Variants in PPP3CA observed in about 807,000 individuals in gnomAD.
PPP3CA encodes the protein protein phosphatase 3 catalytic subunit alpha, also known as CAM-PRP catalytic subunit.
Under a neutral mutation model 66.5 loss-of-function variants are expected in PPP3CA, and 14 were observed. The observed-to-expected ratio is 0.21, with a 90% CI of 0.14 to 0.33. The LOEUF is 0.33. Among genes scored for constraint, PPP3CA ranks in the 10% least tolerant of loss-of-function variants. The pLI, the probability that PPP3CA is intolerant of heterozygous loss-of-function variation, is 1.00. For missense variants in PPP3CA, 317 were observed against 639.5 expected, an observed-to-expected ratio of 0.50 and a Z score of 5.44; for synonymous variants, 232 against 226.2, an observed-to-expected ratio of 1.03 and a Z score of -0.23.
At chr4:101,220,874 C>T (rs549128604) in intron 1 of PPP3CA, among the ~76,000 whole-genome samples, 2 of 151,814 alleles carry the variant, frequency 1.3e-5, no homozygotes, top group South Asian at 4.1e-4. Flanking sequence ...GCACCTTTGC[C>T]TTAAATTCCT....
At chr4:101,342,592 T>C (rs558377252) in intron 1 of PPP3CA, among the ~76,000 whole-genome samples, 1 of 152,302 alleles carries the variant, frequency 6.6e-6, no homozygotes, top group Non-Finnish European at 1.5e-5. Context: ...TCACATCCAA[T>C]GCTGATGTAA....
At chr4:101,123,138 A>G (rs1415726878) in intron 2 of PPP3CA, among the ~76,000 whole-genome samples, 1 of 152,236 alleles carries the variant, frequency 6.6e-6, no homozygotes, top group Non-Finnish European at 1.5e-5. Context: ...AATGAGTGAC[A>G]CTGAATTAAA....
intron 8 of PPP3CA, among the ~76,000 whole-genome samples, chr4:101,073,245 G>T (rs1265714948): frequency 7.5e-6 from 1 of 132,548 alleles, no homozygotes; most frequent in African/African-American, 2.7e-5. Context: ...GTGTGTGTGT[G>T]TGTGTGTGTA....
At chr4:101,213,891 T>C (rs546679507) in intron 1 of PPP3CA, among the ~76,000 whole-genome samples, 1 of 152,252 alleles carries the variant, frequency 6.6e-6, no homozygotes, top group African/African-American at 2.4e-5. Flanking sequence ...CTAAAAAATC[T>C]ACCTAGAGAA....
chr4:101,101,438 T>C (rs1730437736), intron 3 of PPP3CA, among the ~76,000 whole-genome samples: 1 of 152,238 alleles, frequency 6.6e-6, no homozygotes, highest in Non-Finnish European at 1.5e-5. Context: ...TCTAAGGCTA[T>C]ACCTTAATCT....
At chr4:101,222,962 T>G (rs1035375666) in intron 1 of PPP3CA, among the ~76,000 whole-genome samples, 4 of 151,798 alleles carry the variant, frequency 2.6e-5, no homozygotes, top group African/African-American at 4.8e-5. Flanking sequence ...ATCATTTGTA[T>G]GTGAAAGATA....
Position 101,032,258 on chromosome 4 carries a change from C to A in PPP3CA, c.1339+9G>T. The A allele has an allele frequency of 6.3e-7, 1 of 1,587,568 alleles. No individual in the cohort carries two copies. Among genetic ancestry groups the A allele is most frequent in the Non-Finnish European group, 8.6e-7 (1 of 1,167,826 alleles). On this transcript the variant is annotated intron_variant, in intron 12 of 13. Transcript: ENST00000394854. ...CCCAGCACACAGTCATACCCATCAG[C>A]CTGCTTACCGCTTTGCAGGGTTTGC... is the stretch of plus-strand genomic sequence containing the variant.
chr4:101,252,118 TAAAG>T (rs1164492986), intron 1 of PPP3CA, among the ~76,000 whole-genome samples: 2 of 152,156 alleles, frequency 1.3e-5, no homozygotes, highest in African/African-American at 4.8e-5. Context: ...AATTTCCAGA[TAAAG>T]AAAGCGAGGT....
At position 101,028,110 on chromosome 4, in the gene PPP3CA, T is replaced by C. The variant is rs189063357; in HGVS notation, c.1369+1056A>G. On this transcript the variant is annotated intron_variant, in intron 13 of 13. Coordinates refer to ENST00000394854, the MANE Select transcript of PPP3CA (RefSeq NM_000944.5). ...TGTTTCCCCTACCATATCCAAATCA[T>C]GTACAAATTGGAAGAGTCTAAAGTG... Among the ~76,000 whole-genome samples, 4 of 152,286 alleles carry C rather than the reference T, an allele frequency of 2.6e-5. No individual in the cohort carries two copies. The East Asian group carries it at 7.7e-4, about 29-fold the overall frequency.
At chr4:101,042,037 T>C (rs765005428) in intron 10 of PPP3CA, among the ~76,000 whole-genome samples, 3 of 152,156 alleles carry the variant, frequency 2.0e-5, no homozygotes, top group Non-Finnish European at 4.4e-5. Flanking sequence ...TTTCTACTGT[T>C]TCCCTTAGAG....
chr4:101,045,833 G>A (rs760386869), intron 10 of PPP3CA, among the ~76,000 whole-genome samples: 1 of 152,196 alleles, frequency 6.6e-6, no homozygotes, highest in Non-Finnish European at 1.5e-5. Context: ...TGAATGAGTA[G>A]AGACAGACAT....
intron 2 of PPP3CA, among the ~76,000 whole-genome samples, chr4:101,156,091 C>T (rs1462751338): frequency 1.3e-5 from 2 of 152,176 alleles, no homozygotes; most frequent in Admixed American, 6.5e-5. Context: ...CTAGTACCTG[C>T]TCTATGATTC....
intron 1 of PPP3CA, among the ~76,000 whole-genome samples, chr4:101,234,508 T>C (rs937790766): frequency 6.6e-6 from 1 of 151,926 alleles, no homozygotes; most frequent in Non-Finnish European, 1.5e-5. Context: ...TTTTTTCATA[T>C]GCTTGTTGGC....
intron 1 of PPP3CA, among the ~76,000 whole-genome samples, chr4:101,342,568 T>C (rs73835941): frequency 0.11 from 16,129 of 152,142 alleles, 2,903 homozygotes; most frequent in African/African-American, 0.37. Flanking sequence ...TTTTTGGTTA[T>C]CGGACCCCTT....
intron 10 of PPP3CA, among the ~76,000 whole-genome samples, chr4:101,060,829 T>C (rs960401748): frequency 1.3e-5 from 2 of 152,166 alleles, no homozygotes; most frequent in Non-Finnish European, 2.9e-5. Context: ...AAAGGTCACT[T>C]AGCAATGTGA....
chr4:101,243,126 AT>A (rs1163632449), intron 1 of PPP3CA, among the ~76,000 whole-genome samples: 1 of 152,146 alleles, frequency 6.6e-6, no homozygotes, highest in Non-Finnish European at 1.5e-5. Context: ...GCTCACCTTT[AT>A]CAACCTACAA....
intron 8 of PPP3CA, among the ~76,000 whole-genome samples, chr4:101,073,336 G>A (rs978637730): frequency 2.0e-5 from 3 of 150,608 alleles, no homozygotes; most frequent in Non-Finnish European, 2.9e-5. Flanking sequence ...GAGTGCAATG[G>A]CGTGATCTCA....
At chr4:101,236,562 A>C (rs920358150) in intron 1 of PPP3CA, among the ~76,000 whole-genome samples, 1 of 151,986 alleles carries the variant, frequency 6.6e-6, no homozygotes, top group Non-Finnish European at 1.5e-5. Flanking sequence ...CAATGAGAGC[A>C]AGGGGCAAGA....
chr4:101,324,826 C>A (rs747813558), intron 1 of PPP3CA, among the ~76,000 whole-genome samples: 12 of 152,294 alleles, frequency 7.9e-5, no homozygotes, highest in African/African-American at 2.9e-4. Context: ...ATTACCGACA[C>A]AAGACTAAGT....
Sources: allele counts gnomAD v4.1 joint callset (sites outside exome capture counted in the v4.1 genomes callset), GRCh38; gene constraint gnomAD v4.1.1; transcripts MANE v1.5; gene names NCBI Gene and HGNC (gene_info 2026-07-23, HGNC 2026-07-21).